RBFOX1: variants seen among roughly 807,000 people sequenced by gnomAD.
The protein encoded by RBFOX1 is RNA binding fox-1 homolog 1.
Under a neutral mutation model 57.7 loss-of-function variants are expected in RBFOX1, and 8 were observed. The observed-to-expected ratio is 0.14, with a 90% CI of 0.08 to 0.25. The LOEUF (loss-of-function observed/expected upper bound fraction) is 0.25. Among genes scored for constraint, RBFOX1 ranks in the 10% least tolerant of loss-of-function variants. The pLI is 1.00. For missense variants in RBFOX1, 611 were observed against 548.5 expected (o/e 1.11, Z -1.14); for synonymous variants, 326 against 222.4 (o/e 1.47, Z -4.15).
intron 4 of RBFOX1, among the ~76,000 whole-genome samples, chr16:7,379,247 T>G (rs2097743408): frequency 6.6e-6 from 1 of 152,202 alleles, no homozygotes; most frequent in Non-Finnish European, 1.5e-5. Flanking sequence ...GATTTCACCA[T>G]AAACTAAAGA....
rs558141692 is a variant in RBFOX1, at chr16:5,367,906, A to T, written c.220-99310A>T. On this transcript the variant is annotated intron_variant, in intron 1 of 2. Transcript: ENST00000585867. ...TGCTCTTTAAATGACAGGACTCTGG[A>T]CGTTAAGAAGATCCACACCTCATGC... Among the ~76,000 whole-genome samples, 18 of 152,208 alleles carry T rather than the reference A, an allele frequency of 1.2e-4. No homozygotes were observed. The South Asian group carries it at 3.1e-3, about 26-fold the overall frequency.
At chr16:5,578,228 G>A (rs2046535528) in intron 2 of RBFOX1, among the ~76,000 whole-genome samples, 1 of 152,192 alleles carries the variant, frequency 6.6e-6, no homozygotes, top group Admixed American at 6.5e-5. Flanking sequence ...GGGATTACAG[G>A]CATGAGCTGC....
At chr16:7,409,822 T>G (rs1163146052) in intron 4 of RBFOX1, among the ~76,000 whole-genome samples, 1 of 152,208 alleles carries the variant, frequency 6.6e-6, no homozygotes, top group East Asian at 1.9e-4. Context: ...AAATTTCTCT[T>G]TAGTCCCATT....
At chr16:7,320,207 A>T (rs936641913) in intron 4 of RBFOX1, among the ~76,000 whole-genome samples, 25 of 152,018 alleles carry the variant, frequency 1.6e-4, no homozygotes, top group Admixed American at 1.6e-3. Context: ...TTCATCAGCT[A>T]TTTATCCTGA....
intron 5 of RBFOX1, among the ~76,000 whole-genome samples, chr16:7,534,731 G>A (rs1450621695): frequency 6.6e-6 from 1 of 152,146 alleles, no homozygotes; most frequent in Non-Finnish European, 1.5e-5. Flanking sequence ...TCCTAGGATA[G>A]GAGACTATCC....
intron 3 of RBFOX1, among the ~76,000 whole-genome samples, chr16:6,964,614 T>TA (rs1028375765): frequency 5.9e-5 from 9 of 152,136 alleles, no homozygotes; most frequent in African/African-American, 2.2e-4. Context: ...AATACTCCTC[T>TA]AAAAAATAAC....
chr16:7,070,185 C>T (rs890712231), intron 4 of RBFOX1, among the ~76,000 whole-genome samples: 1 of 152,174 alleles, frequency 6.6e-6, no homozygotes, highest in Admixed American at 6.5e-5. Context: ...GCTCACTGAG[C>T]GATCAGAGCA....
chr16:7,304,596 T>A, intron 4 of RBFOX1: 1 of 984,882 alleles, frequency 1.0e-6, no homozygotes, highest in African/African-American at 1.7e-5. Context: ...AGGAGGGGGC[T>A]CCCGCGTTGC....
At chr16:7,678,906 T>C (rs896404551) in intron 14 of RBFOX1, among the ~76,000 whole-genome samples, 9 of 152,218 alleles carry the variant, frequency 5.9e-5, no homozygotes, top group Non-Finnish European at 1.3e-4. Flanking sequence ...ATTCCAACTT[T>C]AGTACCATAG....
At chr16:7,333,568 G>A (rs924701907) in intron 4 of RBFOX1, among the ~76,000 whole-genome samples, 8 of 152,160 alleles carry the variant, frequency 5.3e-5, no homozygotes, top group African/African-American at 1.9e-4. Context: ...CTGAATTTGA[G>A]TGGTGGCACT....
chr16:7,707,753 T>A (rs2082950588), intron 14 of RBFOX1, among the ~76,000 whole-genome samples: 1 of 152,196 alleles, frequency 6.6e-6, no homozygotes, highest in African/African-American at 2.4e-5. Flanking sequence ...TGCCTCTAGG[T>A]GGAACCTGCT....
At chr16:7,243,512 C>G (rs137966728) in intron 4 of RBFOX1, among the ~76,000 whole-genome samples, 65 of 152,250 alleles carry the variant, frequency 4.3e-4, no homozygotes, top group East Asian at 3.5e-3. Context: ...AGCAGAAGGG[C>G]TCCCCAGGAA....
At chr16:5,978,128 CAAAAAAAAAAAAAAAAAAAAAA>C (rs140908065) in intron 4 of RBFOX1, among the ~76,000 whole-genome samples, 10 of 31,524 alleles carry the variant, frequency 3.2e-4, no homozygotes, top group Non-Finnish European at 3.6e-4. Flanking sequence ...CTGTCTCTTC[CAAAAAAAAAAAAAAAAAAAAAA>C]AAAAAAAAAA....
chr16:5,553,514 A>C lies in RBFOX1; in HGVS notation c.259-45388A>C, dbSNP rs139244189. ...GTATTTTTAGTAGAGACAGGGTTTC[A>C]CTGTGTTAGCCAGGATGGTCTCAAT... On this transcript the variant is annotated intron_variant, in intron 2 of 2. Coordinates refer to the RBFOX1 transcript ENST00000585867. Among the ~76,000 whole-genome samples the C allele has an allele frequency of 1.7e-3, 261 of 152,082 alleles. 1 individual carries two copies. Among genetic ancestry groups the C allele is most frequent in the East Asian group, 0.014 (70 of 5,146 alleles).
intron 3 of RBFOX1, among the ~76,000 whole-genome samples, chr16:6,796,955 G>C (rs920719173): frequency 3.3e-5 from 5 of 152,186 alleles, no homozygotes; most frequent in Admixed American, 2.0e-4. Context: ...TACTAGGAGA[G>C]AGAGGAAACA....
intron 4 of RBFOX1, among the ~76,000 whole-genome samples, chr16:7,122,783 C>T (rs1005309102): frequency 1.1e-4 from 16 of 152,262 alleles, no homozygotes; most frequent in Middle Eastern, 3.4e-3. Context: ...AGCAACTCTA[C>T]CATAGCCCCC....
At chr16:6,166,291 G>T (rs937060607) in intron 1 of RBFOX1, among the ~76,000 whole-genome samples, 2 of 151,968 alleles carry the variant, frequency 1.3e-5, no homozygotes, top group African/African-American at 4.8e-5. Flanking sequence ...GGACTCTCTG[G>T]GGTCCAAATG....
chr16:7,050,777 A>T (rs947899256), intron 3 of RBFOX1, among the ~76,000 whole-genome samples: 1 of 152,068 alleles, frequency 6.6e-6, no homozygotes, highest in Non-Finnish European at 1.5e-5. Flanking sequence ...CCATTATCAC[A>T]CATAATGTTT....
intron 2 of RBFOX1, among the ~76,000 whole-genome samples, chr16:6,343,378 TC>T (rs1240999049): frequency 6.6e-6 from 1 of 150,988 alleles, no homozygotes; most frequent in Non-Finnish European, 1.5e-5. Flanking sequence ...AGTAGATTTT[TC>T]CCCCTAAATT....
Sources: gnomAD v4.1 joint callset for allele counts (sites outside exome capture counted in the v4.1 genomes callset) on GRCh38, gnomAD v4.1.1 for gene constraint, MANE v1.5 for transcripts, NCBI Gene and HGNC (gene_info 2026-07-23, HGNC 2026-07-21) for gene names.